Variants in NAV2 observed in about 807,000 individuals in gnomAD.
NAV2 encodes the protein neuron navigator 2.
Under a neutral mutation model 223.2 loss-of-function variants are expected in NAV2, and 54 were observed. The observed-to-expected ratio is 0.24, with a 90% confidence interval of 0.19 to 0.30. The LOEUF is 0.30. Among genes scored for constraint, NAV2 ranks in the 10% least tolerant of loss-of-function variants. The probability of loss-of-function intolerance (pLI) is 1.00; values close to 1 mark genes in which losing one functional copy is unlikely to be tolerated. For synonymous variants in NAV2, 1,279 were observed against 1,239.3 expected (o/e 1.03, Z -0.67); for missense variants, 2,806 against 3,147.5 (o/e 0.89, Z 2.60).
At chr11:19,726,897 C>T (rs2051299345) in intron 1 of NAV2, among the ~76,000 whole-genome samples, 1 of 152,212 alleles carries the variant, frequency 6.6e-6, no homozygotes, top group Non-Finnish European at 1.5e-5. Context: ...CTAAGAGAAA[C>T]CCCATCCCAC....
At chr11:19,961,451 A>G (rs1378501816) in intron 10 of NAV2, among the ~76,000 whole-genome samples, 4 of 152,222 alleles carry the variant, frequency 2.6e-5, no homozygotes, top group Non-Finnish European at 1.5e-5. Context: ...CAGTCGGCCC[A>G]TGTTGAAAGA....
intron 31 of NAV2, among the ~76,000 whole-genome samples, chr11:20,098,983 C>T (rs1392256730): frequency 6.6e-6 from 1 of 152,150 alleles, no homozygotes; most frequent in Non-Finnish European, 1.5e-5. Flanking sequence ...AGCTTAGGAA[C>T]CTGAAGGAAA....
intron 11 of NAV2, among the ~76,000 whole-genome samples, chr11:20,014,817 A>T (rs955108121): frequency 2.0e-5 from 3 of 152,158 alleles, no homozygotes; most frequent in Non-Finnish European, 4.4e-5. Flanking sequence ...CAGGAGACTC[A>T]CTTGAACCCG....
chr11:20,058,441 G>A (rs1822272), intron 19 of NAV2, among the ~76,000 whole-genome samples: 55,719 of 152,024 alleles, frequency 0.37, 11,213 homozygotes, highest in Non-Finnish European at 0.47. Flanking sequence ...TGCATTATGC[G>A]ATCTTAAAGT....
Position 20,068,183 on chromosome 11 carries a change from C to T in NAV2, c.4885-3C>T, listed in dbSNP as rs920704122. 10 of 1,613,702 alleles carry T rather than the reference C, an allele frequency of 6.2e-6. No homozygotes were observed. The highest frequency in any genetic ancestry group is 1.7e-5 in the Admixed American group (1 of 59,984). On this transcript the variant is annotated splice_polypyrimidine_tract_variant and splice_region_variant and intron_variant, in intron 20 of 37. Transcript: ENST00000349880. ...TCTAATTTCCTTTATGTTTTCTTTA[C>T]AGCCAGAAGAAAAATGCCAGTCAGA...
At chr11:19,432,055 G>A (rs895383253) in intron 1 of NAV2, among the ~76,000 whole-genome samples, 2 of 152,182 alleles carry the variant, frequency 1.3e-5, no homozygotes, top group Admixed American at 6.5e-5. Flanking sequence ...AAAATTAGCT[G>A]TGTGTGGTGG....
intron 1 of NAV2, chr11:19,519,805 G>C (rs893088254): frequency 6.6e-6 from 1 of 151,864 alleles, no homozygotes; most frequent in Admixed American, 6.6e-5. Flanking sequence ...GGCAAACTGC[G>C]TGATCACCAG....
chr11:20,051,652 C>T (rs1025868995), intron 17 of NAV2, among the ~76,000 whole-genome samples: 1 of 152,216 alleles, frequency 6.6e-6, no homozygotes, highest in Non-Finnish European at 1.5e-5. Context: ...GAGCACTTCA[C>T]CATGACCATT....
intron 12 of NAV2, among the ~76,000 whole-genome samples, chr11:20,037,370 T>TAA (rs34272740): frequency 8.2e-4 from 115 of 140,350 alleles, no homozygotes; most frequent in African/African-American, 1.9e-3. Flanking sequence ...ACAATAGGGC[T>TAA]AAAAAAAAAA....
intron 1 of NAV2, among the ~76,000 whole-genome samples, chr11:19,587,300 G>C (rs909231301): frequency 9.2e-5 from 14 of 152,172 alleles, no homozygotes; most frequent in African/African-American, 3.1e-4. Flanking sequence ...ACTAGGAAAG[G>C]GAATTCCCTG....
rs1437816709 is a variant in NAV2 at position 20,105,643 on chromosome 11, G to T, written c.6757G>T (p.Val2253Leu). 2 of 1,614,010 alleles carry T rather than the reference G, an allele frequency of 1.2e-6. No individual in the cohort carries two copies. Among genetic ancestry groups the T allele is most frequent in the African/African-American group, 2.7e-5 (2 of 75,016 alleles). The change falls in exon 35 of 38, where the codon GTA (valine) becomes TTA (leucine). Residue 2253 changes from valine (V) to leucine (L), a missense_variant. Around this residue, in one of 4 missense-constraint regions of NAV2, gnomAD observed 824 missense variants for 1,069.4 expected, o/e 0.77. Transcript: ENST00000349880. ...TGGGCGGGTGCGCAATATGGAGCTGGTAAAAATCATTGACTGGATTCCCAA... is the reference window on the plus strand; with the variant it reads ...TGGGCGGGTGCGCAATATGGAGCTGTTAAAAATCATTGACTGGATTCCCAA... ...ISGRVRNMEL[V>L]KIIDWIPKVW...
chr11:19,879,757 T>G, intron 4 of NAV2, 112 bp from the exon 5 acceptor site: 1 of 1,239,504 alleles, frequency 8.1e-7, no homozygotes, highest in Non-Finnish European at 1.2e-6. Context: ...AATGAAGTGT[T>G]CAGGAAGCCT....
At chr11:19,584,950 C>T (rs2045845396) in intron 1 of NAV2, among the ~76,000 whole-genome samples, 1 of 149,942 alleles carries the variant, frequency 6.7e-6, no homozygotes, top group South Asian at 2.2e-4. Context: ...CTTTCTGTCT[C>T]ATCGATCTGT....
chr11:19,734,608 C>A (rs2052113282), intron 1 of NAV2, among the ~76,000 whole-genome samples: 2 of 152,208 alleles, frequency 1.3e-5, no homozygotes, highest in Non-Finnish European at 2.9e-5. Flanking sequence ...CATACATTGG[C>A]ATTTTAACAG....
intron 1 of NAV2, among the ~76,000 whole-genome samples, chr11:19,765,378 T>TTCCTTCC (rs2055122441): frequency 6.9e-6 from 1 of 144,240 alleles, no homozygotes; most frequent in Non-Finnish European, 1.5e-5. Flanking sequence ...TCTTCCCTTC[T>TTCCTTCC]TTCCTTCCTT....
At chr11:19,670,130 C>T (rs1411191832) in intron 1 of NAV2, among the ~76,000 whole-genome samples, 2 of 152,204 alleles carry the variant, frequency 1.3e-5, no homozygotes, top group Non-Finnish European at 2.9e-5. Context: ...GCCACGCACA[C>T]TGTGTTGCCT....
chr11:19,471,805 G>C (rs981340572), intron 1 of NAV2, among the ~76,000 whole-genome samples: 1 of 152,090 alleles, frequency 6.6e-6, no homozygotes, highest in African/African-American at 2.4e-5. Context: ...CCTGGCACCC[G>C]CGTGGCTGCC....
intron 1 of NAV2, among the ~76,000 whole-genome samples, chr11:19,498,076 G>C (rs1397391300): frequency 1.3e-5 from 2 of 152,226 alleles, no homozygotes; most frequent in African/African-American, 4.8e-5. Flanking sequence ...AAGTGATAGA[G>C]TCAGGATTCA....
Position 19,842,862 on chromosome 11 carries a change from CT to C in NAV2, c.386-4del. On this transcript the variant is annotated splice_polypyrimidine_tract_variant and splice_region_variant and intron_variant, in intron 2 of 37. Transcript: ENST00000349880. ...GATTTATTTTTCTGACTTGTGTTTC[CT>C]TTTTCAGCAAATGAAAAGATTGAAG... The C allele has an allele frequency of 6.2e-7, 1 of 1,613,578 alleles. No individual in the cohort carries two copies. Among genetic ancestry groups the C allele is most frequent in the Non-Finnish European group, 8.5e-7 (1 of 1,179,586 alleles).
Sources: allele counts gnomAD v4.1 joint callset (sites outside exome capture counted in the v4.1 genomes callset), GRCh38; gene constraint gnomAD v4.1.1; regional missense constraint gnomAD v4.1.1; transcripts MANE v1.5; gene names NCBI Gene and HGNC (gene_info 2026-07-23, HGNC 2026-07-21).